Variants in ARHGDIB observed in about 807,000 individuals in gnomAD.
ARHGDIB encodes rho GDP-dissociation inhibitor 2.
A neutral mutation model predicts 22.6 loss-of-function variants in ARHGDIB; 20 were observed. The ratio of observed to expected loss-of-function variants is 0.88; its 90% confidence interval spans 0.62 to 1.28. The LOEUF (loss-of-function observed/expected upper bound fraction) is 1.28. Among genes scored for constraint, ARHGDIB ranks in the 50% most tolerant of loss-of-function variants. The pLI, the probability that ARHGDIB is intolerant of heterozygous loss-of-function variation, is 0.00. For missense variants in ARHGDIB, 254 were observed against 245.4 expected, an observed-to-expected ratio of 1.04 and a Z score of -0.23; for synonymous variants, 114 against 96.1, an observed-to-expected ratio of 1.19 and a Z score of -1.09.
At chr12:14,942,861 A>T in intron 5 of ARHGDIB, 140 bp from the exon 6 acceptor site, 1 of 721,786 alleles carries the variant, frequency 1.4e-6, no homozygotes, top group Non-Finnish European at 2.2e-6. Flanking sequence ...CATTAGATTT[A>T]CCTGAGGCAT....
At chr12:14,959,264 G>T (rs1012479425) in intron 1 of ARHGDIB, among the ~76,000 whole-genome samples, 1 of 152,134 alleles carries the variant, frequency 6.6e-6, no homozygotes, top group African/African-American at 2.4e-5. Context: ...ACTAAAAATG[G>T]TAAAATTAGC....
At chr12:14,959,998 C>T (rs537319379) in intron 1 of ARHGDIB, among the ~76,000 whole-genome samples, 2 of 152,174 alleles carry the variant, frequency 1.3e-5, no homozygotes, top group Non-Finnish European at 2.9e-5. Flanking sequence ...ATTCACGATG[C>T]CTGCTAGGGA....
chr12:14,951,214 T>G (rs1468987360), intron 1 of ARHGDIB: 1 of 153,260 alleles, frequency 6.5e-6, no homozygotes, highest in East Asian at 1.9e-4. Flanking sequence ...GGTTGGCTCC[T>G]CCCCATCAAT....
chr12:14,943,469 T>G (rs1863930526), intron 5 of ARHGDIB, among the ~76,000 whole-genome samples: 1 of 152,040 alleles, frequency 6.6e-6, no homozygotes, highest in African/African-American at 2.4e-5. Context: ...GAGACCTCAG[T>G]TCTGATCTCA....
intron 4 of ARHGDIB, among the ~76,000 whole-genome samples, chr12:14,945,486 A>C (rs962214419): frequency 1.3e-5 from 2 of 152,254 alleles, no homozygotes; most frequent in Non-Finnish European, 2.9e-5. Context: ...ACGCAGAATG[A>C]AAATGTGGAC....
rs1041850726 is a variant in ARHGDIB at position 14,942,242 on chromosome 12, G to A, written c.*280C>T. 2 of 425,398 alleles carry A rather than the reference G, an allele frequency of 4.7e-6. No homozygotes were observed. Among genetic ancestry groups the A allele is most frequent in the African/African-American group, 2.0e-5 (1 of 50,236 alleles). 26.4% of individuals were successfully genotyped at this position (425,398 alleles called of 1,614,324 possible). ...TCTGGCCTCTAGTTGCTTGAATAGG[G>A]GTAAGACAGGGAAATATTAAATGAT... On this transcript the variant is annotated 3_prime_UTR_variant, in exon 6 of 6. Transcript: ENST00000228945.
intron 4 of ARHGDIB, 56 bp from the exon 5 acceptor site, chr12:14,944,895 C>T: frequency 2.7e-6 from 4 of 1,497,856 alleles, no homozygotes; most frequent in Non-Finnish European, 3.7e-6. Context: ...CATTTTTTCT[C>T]ATCTTTCATG....
chr12:14,950,518 C>T lies in ARHGDIB; in HGVS notation c.181+14G>A. On this transcript the variant is annotated intron_variant, in intron 2 of 5. Coordinates refer to ENST00000228945, the MANE Select transcript of ARHGDIB (RefSeq NM_001175.7). ...AGCGATCTTCCACCCACCCTGTTCT[C>T]TGTACACACATACCTGTCACCACAG... 1 of 1,606,084 alleles carries T rather than the reference C, an allele frequency of 6.2e-7. No homozygotes were observed. Among genetic ancestry groups the T allele is most frequent in the South Asian group, 1.1e-5 (1 of 89,796 alleles).
At chr12:14,957,011 T>G (rs1201105902) in intron 1 of ARHGDIB, among the ~76,000 whole-genome samples, 1 of 152,166 alleles carries the variant, frequency 6.6e-6, no homozygotes, top group African/African-American at 2.4e-5. Flanking sequence ...TTAATGCAGC[T>G]CTAAATGAAC....
intron 1 of ARHGDIB, among the ~76,000 whole-genome samples, chr12:14,952,076 G>A (rs16910402): frequency 3.3e-5 from 5 of 152,148 alleles, no homozygotes; most frequent in Non-Finnish European, 4.4e-5. Flanking sequence ...AGCCTTCATT[G>A]CTCCTAAGTG....
At chr12:14,946,010 A>G (rs1426582270) in intron 4 of ARHGDIB, among the ~76,000 whole-genome samples, 2 of 152,236 alleles carry the variant, frequency 1.3e-5, no homozygotes, top group African/African-American at 4.8e-5. Flanking sequence ...TAAGAAGAAG[A>G]ATTATATTGG....
chr12:14,956,845 A>T (rs2120756258), intron 1 of ARHGDIB, among the ~76,000 whole-genome samples: 1 of 152,332 alleles, frequency 6.6e-6, no homozygotes, highest in East Asian at 1.9e-4. Context: ...CTCAATTAAA[A>T]TGTCGAATTA....
In ARHGDIB at chr12:14,942,669, A is replaced by G. The variant is rs773088892; in HGVS notation, c.459T>C (p.Tyr153=). 1.2e-6 allele frequency: 2 copies of G among 1,614,142 alleles called. No homozygotes were observed. The highest frequency in any genetic ancestry group is 2.2e-5 in the East Asian group (1 of 44,876). The change falls in exon 6 of 6, where the codon TAT becomes TAC. Residue 153 remains tyrosine (Y), a synonymous_variant. Coordinates refer to ENST00000228945, the MANE Select transcript of ARHGDIB (RefSeq NM_001175.7). Reference sequence around the variant, plus strand: ...CCTCCTCAACTGGAGTGAGGAACTCATACTCCTCAGGCCGAGGTCCATAGC... The same window carrying G: ...CCTCCTCAACTGGAGTGAGGAACTCGTACTCCTCAGGCCGAGGTCCATAGC... The part of the protein sequence containing the change: ...VGSYGPRPEE[Y]EFLTPVEEAP...
intron 1 of ARHGDIB, among the ~76,000 whole-genome samples, chr12:14,955,552 CT>C (rs1015956220): frequency 5.3e-5 from 8 of 151,992 alleles, no homozygotes; most frequent in African/African-American, 1.4e-4. Context: ...ATCTCACCCA[CT>C]TTTTTTTGTG....
At chr12:14,959,976 G>A (rs747190231) in intron 1 of ARHGDIB, among the ~76,000 whole-genome samples, 1 of 152,158 alleles carries the variant, frequency 6.6e-6, no homozygotes, top group African/African-American at 2.4e-5. Context: ...AAAACACAAA[G>A]CCAATGGCAA....
intron 4 of ARHGDIB, 132 bp from the exon 5 acceptor site, chr12:14,944,971 T>C: frequency 1.5e-6 from 1 of 654,592 alleles, no homozygotes; most frequent in Non-Finnish European, 2.5e-6. Context: ...AGAATTGGTG[T>C]TTCTATAATT....
Position 14,944,833 on chromosome 12 carries a change from T to C in ARHGDIB, c.349A>G (p.Arg117Gly). Residue 117 changes from arginine to glycine, a missense_variant, in exon 5 of 6, where the codon AGG (arginine) becomes GGG (glycine). Physicochemically the swap from Arg to Gly is moderately radical, Grantham distance 125. Transcript: ENST00000228945. ...YRVKIHFKVN[R>G]DIVSGLKYVQ... is the part of the protein sequence containing the mutation. ...TATTTCAGGCCTGACACAATATCCC[T>C]GTTCACCTGCAGGTGGGAAGGAACC... 1 of 1,613,032 alleles carries C rather than the reference T, an allele frequency of 6.2e-7. No individual in the cohort carries two copies. The highest frequency in any genetic ancestry group is 8.5e-7 in the Non-Finnish European group (1 of 1,179,474).
At chr12:14,944,951 G>T (rs1863976510) in intron 4 of ARHGDIB, 112 bp from the exon 5 acceptor site, 9 of 814,522 alleles carry the variant, frequency 1.1e-5, no homozygotes, top group Admixed American at 2.9e-5. Context: ...AAAAACTAAA[G>T]ATTTAGTTCA....
intron 3 of ARHGDIB, among the ~76,000 whole-genome samples, chr12:14,948,642 A>G (rs1341543257): frequency 6.6e-6 from 1 of 152,232 alleles, no homozygotes; most frequent in Non-Finnish European, 1.5e-5. Flanking sequence ...TTCTTCATGC[A>G]TAGCAGCTTG....
Sources: gnomAD v4.1 joint callset for allele counts (sites outside exome capture counted in the v4.1 genomes callset) on GRCh38, gnomAD v4.1.1 for gene constraint, MANE v1.5 for transcripts, NCBI Gene and HGNC (gene_info 2026-07-23, HGNC 2026-07-21) for gene names.